PCSK2: variants seen among roughly 807,000 people sequenced by gnomAD.
The protein encoded by PCSK2 is neuroendocrine convertase 2.
A neutral mutation model predicts 69.7 loss-of-function variants in PCSK2; 14 were observed. The ratio of observed to expected loss-of-function variants is 0.20; its 90% CI spans 0.13 to 0.31. The LOEUF (loss-of-function observed/expected upper bound fraction) is 0.31. Ranked by LOEUF, PCSK2 falls within the 10% of genes least tolerant of loss-of-function variation. PCSK2 has a pLI of 1.00. For synonymous variants in PCSK2, 307 were observed against 320.7 expected (o/e 0.96, Z 0.46); for missense variants, 544 against 842.5 (o/e 0.65, Z 4.39).
chr20:17,314,694 C>A (rs1280677719), intron 2 of PCSK2, among the ~76,000 whole-genome samples: 1 of 152,208 alleles, frequency 6.6e-6, no homozygotes, highest in Admixed American at 6.5e-5. Context: ...TTTAAAATTA[C>A]ATCTCTAGTA....
intron 5 of PCSK2, among the ~76,000 whole-genome samples, chr20:17,395,721 T>A (rs957122467): frequency 1.3e-5 from 2 of 152,252 alleles, no homozygotes; most frequent in African/African-American, 4.8e-5. Context: ...AGACCCCTGA[T>A]ACAGTATTTA....
In PCSK2 at chr20:17,458,572, G is replaced by T. The variant is rs558181589; in HGVS notation, c.1202+2124G>T. 6.6e-5 allele frequency among the ~76,000 whole-genome samples: 10 copies of T among 152,312 alleles called. No individual in the cohort carries two copies. The South Asian group carries it at 2.1e-3, about 32-fold the overall frequency. ...ACTCCAAATGAGAGCCCAGAGGGAT[G>T]AGGAATAGGGCCTCCACAGAGCAGT... On this transcript the variant is annotated intron_variant, in intron 10 of 11. Transcript: ENST00000262545.
At chr20:17,314,789 T>G (rs1989626536) in intron 2 of PCSK2, among the ~76,000 whole-genome samples, 1 of 152,204 alleles carries the variant, frequency 6.6e-6, no homozygotes, top group South Asian at 2.1e-4. Flanking sequence ...AAAATTGAAT[T>G]TTCACGTGTT....
intron 2 of PCSK2, among the ~76,000 whole-genome samples, chr20:17,335,492 T>C (rs899513191): frequency 2.0e-5 from 3 of 150,538 alleles, no homozygotes; most frequent in African/African-American, 7.4e-5. Context: ...TGTTTGCTTG[T>C]GGGCTCTTTT....
intron 8 of PCSK2, among the ~76,000 whole-genome samples, chr20:17,449,928 G>A (rs1351472976): frequency 1.4e-5 from 2 of 147,276 alleles, no homozygotes; most frequent in African/African-American, 2.5e-5. Flanking sequence ...CTTCATCTTC[G>A]TCCCTCCTTC....
intron 5 of PCSK2, among the ~76,000 whole-genome samples, chr20:17,378,556 T>G (rs1600533270): frequency 6.6e-6 from 1 of 152,058 alleles, no homozygotes; most frequent in East Asian, 1.9e-4. Flanking sequence ...AAGAGAGACT[T>G]CATAAATAAA....
At chr20:17,308,982 T>C (rs892013433) in intron 2 of PCSK2, among the ~76,000 whole-genome samples, 10 of 152,048 alleles carry the variant, frequency 6.6e-5, no homozygotes, top group African/African-American at 2.2e-4. Context: ...CCAGCCCAGA[T>C]TTAAAGGGAG....
chr20:17,393,633 T>C (rs1337547912), intron 5 of PCSK2, among the ~76,000 whole-genome samples: 2 of 152,204 alleles, frequency 1.3e-5, no homozygotes, highest in Non-Finnish European at 2.9e-5. Flanking sequence ...CTGTTGGGAC[T>C]AAAGATTTTC....
intron 5 of PCSK2, among the ~76,000 whole-genome samples, chr20:17,396,479 A>G (rs535116627): frequency 1.2e-4 from 18 of 152,148 alleles, no homozygotes; most frequent in African/African-American, 4.1e-4. Context: ...TCTTAAACCC[A>G]CGTCTTTTCT....
At chr20:17,437,691 G>A (rs898476842) in intron 8 of PCSK2, among the ~76,000 whole-genome samples, 3 of 152,174 alleles carry the variant, frequency 2.0e-5, no homozygotes, top group Admixed American at 1.3e-4. Flanking sequence ...TCCCAGTCTC[G>A]ACTGCCGCTT....
At chr20:17,330,066 A>T (rs1482071262) in intron 2 of PCSK2, among the ~76,000 whole-genome samples, 2 of 152,232 alleles carry the variant, frequency 1.3e-5, no homozygotes, top group Admixed American at 1.3e-4. Flanking sequence ...GTATATCCAA[A>T]ATATTATCAT....
chr20:17,375,816 T>C (rs1292996261), intron 5 of PCSK2, among the ~76,000 whole-genome samples: 3 of 152,150 alleles, frequency 2.0e-5, no homozygotes, highest in Non-Finnish European at 2.9e-5. Flanking sequence ...AATTCTTGAG[T>C]GCAGCAAATA....
chr20:17,389,287 G>A (rs1330508002), intron 5 of PCSK2, among the ~76,000 whole-genome samples: 4 of 152,130 alleles, frequency 2.6e-5, no homozygotes, highest in African/African-American at 7.2e-5. Context: ...GCTGGACCTG[G>A]ATGTGCTTGT....
chr20:17,352,416 G>T (rs2030021824), intron 2 of PCSK2, among the ~76,000 whole-genome samples: 2 of 152,172 alleles, frequency 1.3e-5, no homozygotes, highest in African/African-American at 4.8e-5. Context: ...AAAGAACAAA[G>T]CTGGAGGCAT....
intron 2 of PCSK2, among the ~76,000 whole-genome samples, chr20:17,341,212 C>T (rs1317989222): frequency 6.6e-6 from 1 of 152,182 alleles, no homozygotes; most frequent in Non-Finnish European, 1.5e-5. Flanking sequence ...CGTACTCCAG[C>T]CTGGAAGGCA....
At chr20:17,300,433 C>G (rs944259400) in intron 2 of PCSK2, among the ~76,000 whole-genome samples, 1 of 152,338 alleles carries the variant, frequency 6.6e-6, no homozygotes, top group Admixed American at 6.5e-5. Flanking sequence ...AGGTCCTTGC[C>G]CAGCCTATCT....
chr20:17,411,467 T>G (rs892050686), intron 6 of PCSK2, among the ~76,000 whole-genome samples: 1 of 152,094 alleles, frequency 6.6e-6, no homozygotes, highest in East Asian at 1.9e-4. Context: ...GGCAGCAGCC[T>G]GATGGAGGGA....
At chr20:17,401,800 C>T (rs2031643491) in intron 5 of PCSK2, among the ~76,000 whole-genome samples, 2 of 152,234 alleles carry the variant, frequency 1.3e-5, no homozygotes, top group Middle Eastern at 6.8e-3. Context: ...ACTTCCCATT[C>T]GTAATTGAAG....
intron 2 of PCSK2, among the ~76,000 whole-genome samples, chr20:17,267,221 G>A (rs1287515280): frequency 1.3e-5 from 2 of 152,186 alleles, no homozygotes; most frequent in Admixed American, 6.5e-5. Context: ...AAATAGTGAA[G>A]CCAAGAGACC....
Sources: allele counts gnomAD v4.1 joint callset (sites outside exome capture counted in the v4.1 genomes callset), GRCh38; gene constraint gnomAD v4.1.1; transcripts MANE v1.5; gene names NCBI Gene and HGNC (gene_info 2026-07-23, HGNC 2026-07-21).